Variants in KIF18A observed in about 807,000 individuals in gnomAD.
KIF18A encodes kinesin-like protein KIF18A.
KIF18A carries 67 observed loss-of-function variants against 103.3 expected under a neutral mutation model. The observed-to-expected ratio is 0.65, with a 90% CI of 0.53 to 0.79. The LOEUF is 0.79. Among genes scored for constraint, KIF18A ranks in the 30% least tolerant of loss-of-function variants. KIF18A has a pLI of 0.00. For synonymous variants in KIF18A, 367 were observed against 355.5 expected, an observed-to-expected ratio of 1.03 and a Z score of -0.36; for missense variants, 1,032 against 1,062.5, an observed-to-expected ratio of 0.97 and a Z score of 0.40.
At chr11:28,028,800 A>T (rs1850355534) in intron 15 of KIF18A, among the ~76,000 whole-genome samples, 1 of 152,176 alleles carries the variant, frequency 6.6e-6, no homozygotes, top group Non-Finnish European at 1.5e-5. Flanking sequence ...AGAAAGAGGA[A>T]AAGAGAGAAG....
chr11:28,025,855 G>A (rs1203168655), intron 15 of KIF18A, among the ~76,000 whole-genome samples: 2 of 151,866 alleles, frequency 1.3e-5, no homozygotes, highest in Non-Finnish European at 2.9e-5. Context: ...TATATAGGTA[G>A]AATGTTTCTA....
At chr11:28,091,319 AC>A (rs1290862719) in intron 4 of KIF18A, 89 bp downstream of exon 4, 2 of 625,136 alleles carry the variant, frequency 3.2e-6, no homozygotes, top group Admixed American at 2.8e-5. Flanking sequence ...TTTTTCTCAA[AC>A]AGGATGGAAA....
At chr11:28,060,298 A>G (rs905770919) in intron 12 of KIF18A, among the ~76,000 whole-genome samples, 2 of 152,222 alleles carry the variant, frequency 1.3e-5, no homozygotes, top group Non-Finnish European at 2.9e-5. Context: ...CAGTTGACTC[A>G]TAACATCGAG....
At chr11:28,035,334 T>G (rs559796772) in intron 15 of KIF18A, 53 bp downstream of exon 15, 1 of 889,372 alleles carries the variant, frequency 1.1e-6, no homozygotes, top group South Asian at 2.0e-5. Flanking sequence ...ATATAATATA[T>G]AAAGATTATC....
intron 6 of KIF18A, among the ~76,000 whole-genome samples, chr11:28,087,929 A>C (rs1324538884): frequency 6.6e-6 from 1 of 152,170 alleles, no homozygotes; most frequent in Admixed American, 6.5e-5. Flanking sequence ...AAAGGATGTC[A>C]TTTTTACAAA....
intron 15 of KIF18A, among the ~76,000 whole-genome samples, chr11:28,024,738 G>A (rs1299409034): frequency 1.3e-5 from 2 of 151,914 alleles, no homozygotes; most frequent in Non-Finnish European, 1.5e-5. Flanking sequence ...GTCCTAAAGA[G>A]GATCAATTTT....
At chr11:28,025,317 C>T (rs1285721586) in intron 15 of KIF18A, among the ~76,000 whole-genome samples, 3 of 152,004 alleles carry the variant, frequency 2.0e-5, no homozygotes. Context: ...ATTAAACACA[C>T]TTTTGTATAT....
In KIF18A at chr11:28,020,941, A is replaced by C; in HGVS notation, c.*259T>G. ...AGTAAAACTAAGCTGCCACCATGGT[A>C]ACTTACACTCAGGGATTTTAAAAGG... On this transcript the variant is annotated 3_prime_UTR_variant, in exon 17 of 17. Coordinates refer to ENST00000263181, the MANE Select transcript of KIF18A (RefSeq NM_031217.4). 4.9e-6 allele frequency: 1 copy of C among 202,668 alleles called. No homozygotes were observed. Among genetic ancestry groups the C allele is most frequent in the Non-Finnish European group, 9.6e-6 (1 of 103,728 alleles). The allele number at this position is 202,668 out of a possible 1,614,324, so 12.6% of individuals were successfully genotyped here. A position where few individuals can be genotyped will look rare whatever the true frequency, so the allele number is the denominator to read the frequency against.
At chr11:28,076,452 T>C (rs1851091998) in intron 10 of KIF18A, 1 of 152,170 alleles carries the variant, frequency 6.6e-6, no homozygotes. Context: ...AAAACAACAG[T>C]TGTAACTGAG....
At chr11:28,085,475 A>C (rs117619122) in intron 6 of KIF18A, among the ~76,000 whole-genome samples, 680 of 152,330 alleles carry the variant, frequency 4.5e-3, no homozygotes, top group Admixed American at 6.7e-3. Flanking sequence ...AACAGAAGAA[A>C]TAGTGAAAGT....
intron 11 of KIF18A, among the ~76,000 whole-genome samples, chr11:28,067,979 G>A (rs1031994041): frequency 6.6e-6 from 1 of 152,086 alleles, no homozygotes; most frequent in Non-Finnish European, 1.5e-5. Context: ...TATGTTTATT[G>A]CAGTGCTATT....
chr11:28,092,675 C>T (rs1565090417), intron 3 of KIF18A, among the ~76,000 whole-genome samples: 1 of 151,946 alleles, frequency 6.6e-6, no homozygotes, highest in Non-Finnish European at 1.5e-5. Context: ...AAAAAAATAA[C>T]AAAATTTAGT....
rs142558438 is a variant in KIF18A, at chr11:28,034,127, T to C, written c.2504+1260A>G. ...TTCAGTTCTAGAATATCCACTTGAT[T>C]AATTTTAATAGAATCTGGTTCTTTG... On this transcript the variant is annotated intron_variant, in intron 15 of 16. Transcript: ENST00000263181. Among the ~76,000 whole-genome samples the C allele has an allele frequency of 1.6e-3, 247 of 151,866 alleles. 1 individual carries two copies. Among genetic ancestry groups the C allele is most frequent in the Non-Finnish European group, 2.2e-3 (148 of 67,778 alleles).
At chr11:28,102,176 CT>C (rs1851454133) in intron 1 of KIF18A, among the ~76,000 whole-genome samples, 1 of 152,078 alleles carries the variant, frequency 6.6e-6, no homozygotes, top group Non-Finnish European at 1.5e-5. Context: ...GCCAGGCACC[CT>C]TTTAGCTCTG....
In KIF18A at chr11:28,078,801, T is replaced by C. The variant is rs541039269; in HGVS notation, c.1263-1632A>G. 4.5e-3 allele frequency among the ~76,000 whole-genome samples: 681 copies of C among 152,152 alleles called. 6 individuals are homozygous for C. The highest frequency in any genetic ancestry group is 0.014 in the African/African-American group (589 of 41,538). ...GATTCTTCCTTTTATCTGTTTAAAC[T>C]TCATAAAAATGTTATTTAAGTTTTA... On this transcript the variant is annotated intron_variant, in intron 9 of 16. Coordinates refer to ENST00000263181, the MANE Select transcript of KIF18A (RefSeq NM_031217.4).
Position 28,084,646 on chromosome 11 carries a change from C to A in KIF18A, c.1060G>T (p.Asp354Tyr), listed in dbSNP as rs769597768. Residue 354 changes from aspartate to tyrosine, a missense_variant, in exon 7 of 17, where the codon GAC becomes TAC. Physicochemically the swap from Asp to Tyr is radical, Grantham distance 160. Transcript: ENST00000263181. ...NTLKYANRAKDIKSSLKSNVL... is the reference protein window; with the variant it reads ...NTLKYANRAKYIKSSLKSNVL... ...AACAGACTTACAGAAGATTTAATGT[C>A]CTTTGCCCGGTTAGCATACTTAAGA... 12 of 1,608,974 alleles carry A rather than the reference C, an allele frequency of 7.5e-6. No homozygotes were observed. Among genetic ancestry groups the A allele is most frequent in the Non-Finnish European group, 1.0e-5 (12 of 1,176,594 alleles).
At chr11:28,085,292 CA>C (rs1387320045) in intron 6 of KIF18A, among the ~76,000 whole-genome samples, 1 of 152,066 alleles carries the variant, frequency 6.6e-6, no homozygotes, top group Non-Finnish European at 1.5e-5. Context: ...AGTCAGGGAA[CA>C]CTCTGCTCCA....
At chr11:28,062,936 T>A (rs1042363981) in intron 11 of KIF18A, among the ~76,000 whole-genome samples, 48 of 152,222 alleles carry the variant, frequency 3.2e-4, no homozygotes, top group African/African-American at 1.1e-3. Flanking sequence ...AACAATTTCA[T>A]TGATGTATTC....
rs368326354 is a variant in KIF18A at position 28,097,976 on chromosome 11, A to C, written c.-29T>G. On this transcript the variant is annotated 5_prime_UTR_variant, in exon 2 of 17. Coordinates refer to ENST00000263181, the MANE Select transcript of KIF18A (RefSeq NM_031217.4). ...TGATTATCTTGATTCCTATCTGTAT[A>C]AATACTTGAATACTTCTCTGAAATT... The C allele has an allele frequency of 1.7e-4, 238 of 1,438,316 alleles. No individual in the cohort carries two copies. Among genetic ancestry groups the C allele is most frequent in the Non-Finnish European group, 1.6e-4 (174 of 1,063,284 alleles). The allele number at this position is 1,438,316 out of a possible 1,614,324, so 89.1% of individuals were successfully genotyped here. A position where few individuals can be genotyped will look rare whatever the true frequency, so the allele number is the denominator to read the frequency against.
Sources: allele counts gnomAD v4.1 joint callset (sites outside exome capture counted in the v4.1 genomes callset), GRCh38; gene constraint gnomAD v4.1.1; transcripts MANE v1.5; gene names NCBI Gene and HGNC (gene_info 2026-07-23, HGNC 2026-07-21).